Variants in COL10A1 observed in about 807,000 individuals in gnomAD.
COL10A1 encodes collagen type X alpha 1 chain, also known as collagen alpha-1(X) chain.
In COL10A1, 10 loss-of-function variants were observed where a neutral mutation model predicts 18.2. The ratio of observed to expected loss-of-function variants is 0.55; its 90% CI spans 0.34 to 0.93. The LOEUF is 0.93. Among genes scored for constraint, COL10A1 ranks in the 40% least tolerant of loss-of-function variants. The pLI is 0.02. For missense variants in COL10A1, 897 were observed against 853.5 expected (o/e 1.05, Z -0.64); for synonymous variants, 330 against 316.6 (o/e 1.04, Z -0.45).
At chr6:116,133,718 A>G (rs529001747) in intron 1 of COL10A1, among the ~76,000 whole-genome samples, 2 of 152,304 alleles carry the variant, frequency 1.3e-5, no homozygotes, top group South Asian at 4.1e-4. Context: ...CTAATAGTGC[A>G]AAGATGCTAA....
At chr6:116,147,662 T>C (rs1779932512) in intron 1 of COL10A1, among the ~76,000 whole-genome samples, 2 of 152,138 alleles carry the variant, frequency 1.3e-5, no homozygotes, top group African/African-American at 4.8e-5. Flanking sequence ...AAATTGCAAA[T>C]AGAAACTGTT....
chr6:116,163,776 C>G, the COL10A1 span, among the ~76,000 whole-genome samples: 43 of 152,202 alleles, frequency 2.8e-4, no homozygotes, highest in East Asian at 8.3e-3. Context: ...CTTAACACTG[C>G]TTTTGCTGTA....
Position 116,121,943 on chromosome 6 carries a change from TCTC to T in COL10A1, c.170_172del (p.Gly57del), listed in dbSNP as rs757324469. The T allele has an allele frequency of 6.8e-6, 11 of 1,612,796 alleles. No individual in the cohort carries two copies. Among genetic ancestry groups the T allele is most frequent in the Non-Finnish European group, 9.3e-6 (11 of 1,179,960 alleles). ...GCCTGGTGGACCAGGAGTACCTTGC[TCTC>T]CTCTTACTGCTATACCTAAAAGACA... On this transcript the variant is annotated inframe_deletion, in exon 3 of 3. Coordinates refer to ENST00000651968, the MANE Select transcript of COL10A1 (RefSeq NM_000493.4).
chr6:116,121,328 A>T lies in COL10A1; in HGVS notation c.788T>A (p.Ile263Asn), dbSNP rs200461789. ...GGCTCCAGCAGCTCCTGGCTTTCCA[A>T]TGCCTTCTGGCCCTCGTTCCCCAGG... Reference protein sequence around the residue: ...GPPGERGPEGIGKPGAAGAPG... With the variant: ...GPPGERGPEGNGKPGAAGAPG... The change falls in exon 3 of 3, where the codon ATT becomes AAT. Residue 263 changes from isoleucine to asparagine, a missense_variant. Coordinates refer to ENST00000651968, the MANE Select transcript of COL10A1 (RefSeq NM_000493.4). The T allele has an allele frequency of 6.2e-7, 1 of 1,613,546 alleles. No individual in the cohort carries two copies. The highest frequency in any genetic ancestry group is 8.5e-7 in the Non-Finnish European group (1 of 1,179,842).
At chr6:116,177,030 C>G in the COL10A1 span, among the ~76,000 whole-genome samples, 1 of 152,056 alleles carries the variant, frequency 6.6e-6, no homozygotes. Flanking sequence ...ACAAAATGTC[C>G]AGAGAACTAC....
At chr6:116,179,957 A>G in the COL10A1 span, among the ~76,000 whole-genome samples, 1 of 151,848 alleles carries the variant, frequency 6.6e-6, no homozygotes, top group Non-Finnish European at 1.5e-5. Context: ...CAGTGTAGAT[A>G]ATGTGGATAA....
At chr6:116,175,247 C>A in the COL10A1 span, among the ~76,000 whole-genome samples, 1 of 152,120 alleles carries the variant, frequency 6.6e-6, no homozygotes, top group African/African-American at 2.4e-5. Context: ...TCTCTACCTC[C>A]CACCCAAGAA....
At chr6:116,199,997 A>AGG in the COL10A1 span, among the ~76,000 whole-genome samples, 8,553 of 118,784 alleles carry the variant, frequency 0.072, 384 homozygotes, top group African/African-American at 0.11. Flanking sequence ...CAGTATGGAA[A>AGG]GTGGGGGGGG....
At chr6:116,202,201 T>C in the COL10A1 span, among the ~76,000 whole-genome samples, 2 of 151,978 alleles carry the variant, frequency 1.3e-5, no homozygotes, top group Non-Finnish European at 2.9e-5. Context: ...TGATGCAGGC[T>C]CCCCTACCTT....
the COL10A1 span, among the ~76,000 whole-genome samples, chr6:116,178,311 G>T: frequency 9.9e-5 from 15 of 152,136 alleles, no homozygotes; most frequent in African/African-American, 3.6e-4. Context: ...GACATTGGGC[G>T]CATTCAGGGT....
rs1166760047 is a variant in COL10A1, at chr6:116,126,079, G to A, written c.-42C>T. The A allele has an allele frequency of 6.5e-6, 1 of 154,532 alleles. No homozygotes were observed. Among genetic ancestry groups the A allele is most frequent in the Non-Finnish European group, 1.4e-5 (1 of 69,874 alleles). 9.6% of individuals were successfully genotyped at this position (154,532 alleles called of 1,614,324 possible). ...TGCGTGCTGGGAGTTCCTGGAGATG[G>A]TGCCTTGGCAGCTTTCTGAAGCTTC... On this transcript the variant is annotated 5_prime_UTR_variant, in exon 1 of 3. Coordinates refer to ENST00000651968, the MANE Select transcript of COL10A1 (RefSeq NM_000493.4).
chr6:116,183,375 A>G, the COL10A1 span, among the ~76,000 whole-genome samples: 2 of 152,004 alleles, frequency 1.3e-5, no homozygotes, highest in Non-Finnish European at 2.9e-5. Flanking sequence ...TTGGTGCCAT[A>G]TGAATTTTAG....
rs1267503166 is a variant in COL10A1, at chr6:116,120,609, C to T, written c.1507G>A (p.Glu503Lys). The T allele has an allele frequency of 3.2e-6, 5 of 1,570,646 alleles. No homozygotes were observed. Among genetic ancestry groups the T allele is most frequent in the Non-Finnish European group, 4.3e-6 (5 of 1,164,082 alleles). ...GPPGPRGHSG[E>K]PGLPGPPGPP... ...CCAGGGGGCCCTGGAAGACCAGGCT[C>T]TCCAGAGTGGCCTCTTGGACCTGGA... The change falls in exon 3 of 3, where the codon GAG becomes AAG. Residue 503 changes from glutamate (E) to lysine (K), a missense_variant. Transcript: ENST00000651968.
chr6:116,150,254 GT>G (rs1780005983), intron 1 of COL10A1, among the ~76,000 whole-genome samples: 1 of 151,636 alleles, frequency 6.6e-6, no homozygotes, highest in Non-Finnish European at 1.5e-5. Flanking sequence ...TGACAGATCA[GT>G]TAAGAAAATG....
chr6:116,182,548 AT>A, the COL10A1 span, among the ~76,000 whole-genome samples: 9 of 150,974 alleles, frequency 6.0e-5, no homozygotes, highest in African/African-American at 2.2e-4. Flanking sequence ...GCCAACACCT[AT>A]TTTTTTTTAT....
chr6:116,168,044 C>CTT, the COL10A1 span, among the ~76,000 whole-genome samples: 3 of 134,940 alleles, frequency 2.2e-5, no homozygotes, highest in South Asian at 4.7e-4. Flanking sequence ...TTCTCTTTGT[C>CTT]TTTGGTTTTT....
the COL10A1 span, among the ~76,000 whole-genome samples, chr6:116,188,982 C>T: frequency 1.3e-5 from 2 of 151,808 alleles, no homozygotes; most frequent in East Asian, 3.9e-4. Context: ...ATCATTGGCC[C>T]CACATTAGAA....
At chr6:116,166,162 A>G in the COL10A1 span, among the ~76,000 whole-genome samples, 1 of 152,166 alleles carries the variant, frequency 6.6e-6, no homozygotes, top group Non-Finnish European at 1.5e-5. Flanking sequence ...CTCGGGAGTC[A>G]ATCTCTGCGA....
At chr6:116,164,853 G>T in the COL10A1 span, among the ~76,000 whole-genome samples, 1 of 152,058 alleles carries the variant, frequency 6.6e-6, no homozygotes, top group Non-Finnish European at 1.5e-5. Flanking sequence ...GGAGGCCGAG[G>T]CAGGCAGATC....
Sources: gnomAD v4.1 joint callset for allele counts (sites outside exome capture counted in the v4.1 genomes callset) on GRCh38, gnomAD v4.1.1 for gene constraint, MANE v1.5 for transcripts, NCBI Gene and HGNC (gene_info 2026-07-23, HGNC 2026-07-21) for gene names.